MYO1E: variants seen among roughly 807,000 people sequenced by gnomAD.
The protein encoded by MYO1E is myosin IE, also known as unconventional myosin-Ie.
MYO1E carries 68 observed loss-of-function variants against 151.1 expected under a neutral mutation model. That is an observed-to-expected ratio of 0.45 (90% CI 0.37 to 0.55). The LOEUF is 0.55. Ranked by LOEUF, MYO1E falls within the 20% of genes least tolerant of loss-of-function variation. The probability of loss-of-function intolerance (pLI) is 0.00; values close to 1 mark genes in which losing one functional copy is unlikely to be tolerated. For synonymous variants in MYO1E, 601 were observed against 501.7 expected, an observed-to-expected ratio of 1.20 and a Z score of -2.64; for missense variants, 1,363 against 1,389.3, an observed-to-expected ratio of 0.98 and a Z score of 0.30.
At chr15:59,225,650 C>CTTT (rs113019199) in intron 7 of MYO1E, among the ~76,000 whole-genome samples, 8 of 139,266 alleles carry the variant, frequency 5.7e-5, no homozygotes, top group Admixed American at 1.5e-4. Context: ...CTTTTCTTTT[C>CTTT]TTTTTTTTTT....
chr15:59,294,679 T>C (rs1159933184), intron 1 of MYO1E, among the ~76,000 whole-genome samples: 1 of 152,286 alleles, frequency 6.6e-6, no homozygotes, highest in East Asian at 1.9e-4. Context: ...TGACTCTTCC[T>C]AACAGCCAGG....
intron 22 of MYO1E, among the ~76,000 whole-genome samples, chr15:59,169,680 G>A (rs2079580880): frequency 6.6e-6 from 1 of 152,024 alleles, no homozygotes; most frequent in Admixed American, 6.5e-5. Flanking sequence ...TACTGAACAG[G>A]AAGAAGAAAA....
chr15:59,222,920 T>G, intron 9 of MYO1E, 139 bp downstream of exon 9: 1 of 1,328,128 alleles, frequency 7.5e-7, no homozygotes, highest in Non-Finnish European at 1.1e-6. Flanking sequence ...GAAGCCATTC[T>G]GTTTGCCACA....
chr15:59,316,378 T>C (rs539993451), intron 1 of MYO1E, among the ~76,000 whole-genome samples: 2 of 152,096 alleles, frequency 1.3e-5, no homozygotes, highest in Admixed American at 6.6e-5. Context: ...ACAAAGAGAA[T>C]AGGGTCTGCT....
intron 1 of MYO1E, among the ~76,000 whole-genome samples, chr15:59,304,367 A>AG (rs2080502435): frequency 1.3e-5 from 2 of 152,184 alleles, no homozygotes; most frequent in South Asian, 4.1e-4. Context: ...CTGGGTTCCT[A>AG]CGCTACTGTT....
chr15:59,324,663 G>GCCCC (rs10717159), intron 1 of MYO1E, among the ~76,000 whole-genome samples: 1,533 of 147,692 alleles, frequency 0.01, 28 homozygotes, highest in African/African-American at 0.022. Context: ...CCCATCCCAA[G>GCCCC]CCCCCCCCCC....
chr15:59,212,475 C>G (rs1434260365), intron 12 of MYO1E, among the ~76,000 whole-genome samples: 1 of 152,006 alleles, frequency 6.6e-6, no homozygotes, highest in Non-Finnish European at 1.5e-5. Flanking sequence ...TGAATAGTAT[C>G]CCCCCAAATT....
intron 1 of MYO1E, among the ~76,000 whole-genome samples, chr15:59,314,339 TG>T (rs2080572201): frequency 6.6e-6 from 1 of 152,222 alleles, no homozygotes; most frequent in Admixed American, 6.5e-5. Flanking sequence ...AAGTGAAGAT[TG>T]TTATACTATT....
intron 8 of MYO1E, 77 bp downstream of exon 8, chr15:59,224,612 A>G: frequency 6.3e-7 from 1 of 1,581,772 alleles, no homozygotes; most frequent in Non-Finnish European, 8.7e-7. Context: ...TGCTTTATTA[A>G]CCTTCACTGC....
At chr15:59,277,758 T>C (rs2080329823) in intron 1 of MYO1E, among the ~76,000 whole-genome samples, 1 of 152,192 alleles carries the variant, frequency 6.6e-6, no homozygotes, top group Admixed American at 6.5e-5. Flanking sequence ...TTTGCAGTCA[T>C]TAAAGGAACT....
intron 1 of MYO1E, among the ~76,000 whole-genome samples, chr15:59,333,413 T>C (rs1484721178): frequency 6.6e-6 from 1 of 152,144 alleles, no homozygotes; most frequent in African/African-American, 2.4e-5. Flanking sequence ...TGGGTAATTT[T>C]TGTATTTTTT....
At chr15:59,275,688 C>T (rs1330731152) in intron 1 of MYO1E, among the ~76,000 whole-genome samples, 13 of 152,172 alleles carry the variant, frequency 8.5e-5, no homozygotes, top group Admixed American at 8.5e-4. Flanking sequence ...GTGGGAGCAA[C>T]TCAGAGCCTT....
chr15:59,239,448 G>A (rs981787923), intron 4 of MYO1E, among the ~76,000 whole-genome samples: 5 of 151,298 alleles, frequency 3.3e-5, no homozygotes, highest in African/African-American at 4.8e-5. Flanking sequence ...GAGAGCAAGC[G>A]TGAGCAAACC....
At chr15:59,172,064 GA>G in intron 21 of MYO1E, 22 bp from the exon 22 acceptor site, 1 of 1,612,602 alleles carries the variant, frequency 6.2e-7, no homozygotes, top group Non-Finnish European at 8.5e-7. Flanking sequence ...GGAGCTTTAA[GA>G]AGCTGGACAG....
chr15:59,169,918 G>C (rs1188489325), intron 22 of MYO1E, among the ~76,000 whole-genome samples: 1 of 152,188 alleles, frequency 6.6e-6, no homozygotes, highest in African/African-American at 2.4e-5. Context: ...CCAGCACTTT[G>C]GGAGGCTGAG....
At chr15:59,253,917 T>TTTTTTTTTTTTTTTTA (rs57506446) in intron 4 of MYO1E, among the ~76,000 whole-genome samples, 1 of 150,098 alleles carries the variant, frequency 6.7e-6, no homozygotes, top group Non-Finnish European at 1.5e-5. Context: ...TTTTTTTTTT[T>TTTTTTTTTTTTTTTTA]AACAAAGCCA....
chr15:59,162,200 TA>T (rs1880886128), intron 23 of MYO1E, among the ~76,000 whole-genome samples: 2 of 152,076 alleles, frequency 1.3e-5, no homozygotes, highest in South Asian at 4.1e-4. Flanking sequence ...CATACTCGGC[TA>T]ATTTTTTTTT....
Position 59,236,385 on chromosome 15 carries a change from C to T in MYO1E, c.420+200G>A, listed in dbSNP as rs1416110255. Among the ~76,000 whole-genome samples, 303 of 129,650 alleles carry T rather than the reference C, an allele frequency of 2.3e-3. 6 individuals are homozygous for T. Among genetic ancestry groups the T allele is most frequent in the African/African-American group, 8.1e-3 (285 of 35,352 alleles). 85.1% of individuals were successfully genotyped at this position (129,650 alleles called of 152,430 possible). A position where few individuals can be genotyped will look rare whatever the true frequency, so the allele number is the denominator to read the frequency against. ...AAAAATATATACACACACACACACA[C>T]ACACACACACACACACACACACACA... On this transcript the variant is annotated intron_variant, in intron 5 of 27. Transcript: ENST00000288235.
At chr15:59,316,462 T>A (rs1232508959) in intron 1 of MYO1E, among the ~76,000 whole-genome samples, 1 of 152,216 alleles carries the variant, frequency 6.6e-6, no homozygotes, top group Non-Finnish European at 1.5e-5. Context: ...CAGCACTCTT[T>A]CTTCCCAGCA....
Sources: gnomAD v4.1 joint callset for allele counts (sites outside exome capture counted in the v4.1 genomes callset) on GRCh38, gnomAD v4.1.1 for gene constraint, MANE v1.5 for transcripts, NCBI Gene and HGNC (gene_info 2026-07-23, HGNC 2026-07-21) for gene names.